The following RGS6 variants were observed in gnomAD, a reference collection of about 807,000 sequenced individuals.
The protein encoded by RGS6 is regulator of G protein signaling 6, also known as regulator of G-protein signaling 6.
A neutral mutation model predicts 78.5 loss-of-function variants in RGS6; 30 were observed. That is an observed-to-expected ratio of 0.38 (90% CI 0.29 to 0.52). The LOEUF (loss-of-function observed/expected upper bound fraction) is 0.52, where lower values mean the gene tolerates loss of function less well. Ranked by LOEUF, RGS6 falls within the 20% of genes least tolerant of loss-of-function variation. RGS6 has a pLI of 0.85. For synonymous variants in RGS6, 206 were observed against 206.0 expected (o/e 1.00, Z 0.00); for missense variants, 495 against 609.7 (o/e 0.81, Z 1.98).
chr14:72,154,799 A>G (rs1234802182), intron 2 of RGS6, among the ~76,000 whole-genome samples: 2 of 152,190 alleles, frequency 1.3e-5, no homozygotes, highest in Non-Finnish European at 1.5e-5. Context: ...TTTCCCCAGT[A>G]AGTGGGAAAA....
At chr14:72,050,419 T>C (rs904199993) in intron 2 of RGS6, among the ~76,000 whole-genome samples, 1 of 152,212 alleles carries the variant, frequency 6.6e-6, no homozygotes, top group Non-Finnish European at 1.5e-5. Context: ...AAACTTGATG[T>C]TGTAAATTAA....
At chr14:72,504,592 G>A (rs1173234808) in intron 13 of RGS6, among the ~76,000 whole-genome samples, 1 of 152,068 alleles carries the variant, frequency 6.6e-6, no homozygotes, top group East Asian at 1.9e-4. Context: ...TTCTGTTCAG[G>A]ATTATTTAGG....
chr14:72,108,721 C>A (rs942296494), intron 2 of RGS6, among the ~76,000 whole-genome samples: 2 of 152,014 alleles, frequency 1.3e-5, no homozygotes, highest in African/African-American at 2.4e-5. Context: ...AAGAACATTT[C>A]TAATTCTTTT....
chr14:72,338,492 G>A (rs560699632), intron 2 of RGS6, among the ~76,000 whole-genome samples: 9 of 152,342 alleles, frequency 5.9e-5, no homozygotes, highest in African/African-American at 2.2e-4. Context: ...CCCGTAACAT[G>A]TGGGAATTAA....
chr14:72,183,021 C>T (rs902819008), intron 2 of RGS6, among the ~76,000 whole-genome samples: 2 of 152,164 alleles, frequency 1.3e-5, no homozygotes, highest in African/African-American at 4.8e-5. Flanking sequence ...GTCCCAGAAA[C>T]ATTTGATAGA....
chr14:72,525,348 C>T (rs765465869), intron 15 of RGS6, among the ~76,000 whole-genome samples: 38 of 152,148 alleles, frequency 2.5e-4, no homozygotes, highest in Non-Finnish European at 5.9e-5. Context: ...TATACAAATG[C>T]GTAGGGAGGT....
In RGS6 at chr14:72,438,416, A is replaced by G. The variant is rs187001633; in HGVS notation, c.185-16112A>G. Reference sequence around the variant, plus strand: ...CTCTCTCCCCACAAATCCAGATTCAACAGCCACTCCATGTCCCTACTCAGA... The same window carrying G: ...CTCTCTCCCCACAAATCCAGATTCAGCAGCCACTCCATGTCCCTACTCAGA... On this transcript the variant is annotated intron_variant, in intron 3 of 17. Coordinates refer to ENST00000553525, the MANE Select transcript of RGS6 (RefSeq NM_001204424.2). 1.2e-3 allele frequency among the ~76,000 whole-genome samples: 190 copies of G among 152,252 alleles called. 1 individual carries two copies. Among genetic ancestry groups the G allele is most frequent in the African/African-American group, 4.5e-3 (185 of 41,532 alleles).
At chr14:72,318,822 T>G (rs973185817) in intron 2 of RGS6, among the ~76,000 whole-genome samples, 3 of 152,138 alleles carry the variant, frequency 2.0e-5, no homozygotes, top group African/African-American at 7.2e-5. Flanking sequence ...CAAATGAAAC[T>G]GAAAGGGAAA....
chr14:72,424,825 A>G (rs1414320167), intron 3 of RGS6, among the ~76,000 whole-genome samples: 1 of 152,242 alleles, frequency 6.6e-6, no homozygotes, highest in African/African-American at 2.4e-5. Flanking sequence ...ATCCCTGCCC[A>G]GAACCAAAAC....
At chr14:72,478,707 T>C (rs2096297521) in intron 12 of RGS6, among the ~76,000 whole-genome samples, 2 of 152,230 alleles carry the variant, frequency 1.3e-5, no homozygotes, top group African/African-American at 4.8e-5. Context: ...AAATTATGTG[T>C]GTCCTTTGAG....
intron 2 of RGS6, among the ~76,000 whole-genome samples, chr14:72,268,803 G>T (rs975180668): frequency 1.3e-5 from 2 of 152,116 alleles, no homozygotes; most frequent in Non-Finnish European, 2.9e-5. Context: ...AGTGTTAGGC[G>T]CTTTATACCA....
chr14:72,318,183 C>G (rs1332408996), intron 2 of RGS6, among the ~76,000 whole-genome samples: 1 of 152,114 alleles, frequency 6.6e-6, no homozygotes, highest in Non-Finnish European at 1.5e-5. Context: ...CCACCTCAGC[C>G]CAAGAACTTG....
At chr14:71,880,426 C>T in the RGS6 span, among the ~76,000 whole-genome samples, 1 of 152,176 alleles carries the variant, frequency 6.6e-6, no homozygotes, top group Admixed American at 6.5e-5. Flanking sequence ...CACTGTAGCC[C>T]CTCCTATCAC....
At chr14:72,281,076 G>A (rs1029342803) in intron 2 of RGS6, among the ~76,000 whole-genome samples, 1 of 150,952 alleles carries the variant, frequency 6.6e-6, no homozygotes, top group Non-Finnish European at 1.5e-5. Context: ...TACAGAGATA[G>A]TTATGCTGTA....
At chr14:72,147,104 T>G (rs954432246) in intron 2 of RGS6, among the ~76,000 whole-genome samples, 1 of 152,218 alleles carries the variant, frequency 6.6e-6, no homozygotes, top group Non-Finnish European at 1.5e-5. Context: ...AAGTAACCTC[T>G]AGGAAATCCC....
At chr14:72,098,561 A>G (rs551131223) in intron 2 of RGS6, among the ~76,000 whole-genome samples, 26 of 152,334 alleles carry the variant, frequency 1.7e-4, no homozygotes, top group African/African-American at 5.8e-4. Context: ...TTGCAGATAT[A>G]TTTTGATTGA....
chr14:72,045,140 C>T (rs2092731740), intron 2 of RGS6, among the ~76,000 whole-genome samples: 1 of 152,180 alleles, frequency 6.6e-6, no homozygotes, highest in Non-Finnish European at 1.5e-5. Context: ...GATGAATCCC[C>T]TCTTGTCTAT....
intron 2 of RGS6, among the ~76,000 whole-genome samples, chr14:72,041,084 A>G (rs2092359176): frequency 1.3e-5 from 2 of 151,846 alleles, no homozygotes; most frequent in African/African-American, 4.8e-5. Flanking sequence ...TGTTTTTCTG[A>G]TCTGCTTTTG....
chr14:72,307,339 T>A (rs961731434), intron 2 of RGS6, among the ~76,000 whole-genome samples: 3 of 152,220 alleles, frequency 2.0e-5, no homozygotes, highest in African/African-American at 4.8e-5. Context: ...GGTCTGAAAC[T>A]GAATGCACAG....
Sources: allele counts gnomAD v4.1 joint callset (sites outside exome capture counted in the v4.1 genomes callset), GRCh38; gene constraint gnomAD v4.1.1; transcripts MANE v1.5; gene names NCBI Gene and HGNC (gene_info 2026-07-23, HGNC 2026-07-21).